HOTAIR: variants seen among roughly 807,000 people sequenced by gnomAD.
The protein encoded by HOTAIR is HOX transcript antisense RNA, also known as HOX transcript antisense RNA (non-protein coding).
intron 1 of HOTAIR, among the ~76,000 whole-genome samples, chr12:53,974,287 G>A (rs1205877600): frequency 6.6e-6 from 1 of 150,976 alleles, no homozygotes; most frequent in African/African-American, 2.4e-5. Context: ...GAAGTATGGG[G>A]AGCCGGGCTG....
chr12:53,965,895 C>T (rs1355510915), intron 5 of HOTAIR: 1 of 152,106 alleles, frequency 6.6e-6, no homozygotes, highest in African/African-American at 2.4e-5. Context: ...TCTCCCTCGC[C>T]CGGGCGCCTG....
intron 1 of HOTAIR, among the ~76,000 whole-genome samples, chr12:53,970,720 G>T (rs181812146): frequency 6.6e-6 from 1 of 152,188 alleles, no homozygotes; most frequent in African/African-American, 2.4e-5. Flanking sequence ...GCAGCTCCTT[G>T]TTGCCGCCTG....
intron 1 of HOTAIR, among the ~76,000 whole-genome samples, chr12:53,971,775 A>G (rs920341846): frequency 6.6e-6 from 1 of 152,230 alleles, no homozygotes; most frequent in African/African-American, 2.4e-5. Flanking sequence ...CTTTCAATAA[A>G]GTGATTTTCA....
intron 1 of HOTAIR, among the ~76,000 whole-genome samples, chr12:53,970,482 C>G (rs1939131754): frequency 6.6e-6 from 1 of 152,206 alleles, no homozygotes; most frequent in African/African-American, 2.4e-5. Flanking sequence ...CCAGGGCCTT[C>G]TTTCCTTGAC....
intron 2 of HOTAIR, among the ~76,000 whole-genome samples, chr12:53,967,810 C>T (rs1028898738): frequency 3.9e-5 from 6 of 152,268 alleles, no homozygotes; most frequent in African/African-American, 1.4e-4. Context: ...TGCTTCATGT[C>T]TGTGACATAA....
chr12:53,967,787 C>T (rs1272428589), intron 2 of HOTAIR, among the ~76,000 whole-genome samples: 2 of 152,156 alleles, frequency 1.3e-5, no homozygotes, highest in African/African-American at 2.4e-5. Flanking sequence ...CCAGACCTCA[C>T]CCTACAAAAA....
intron 1 of HOTAIR, among the ~76,000 whole-genome samples, chr12:53,972,673 G>T (rs1263727463): frequency 2.0e-5 from 3 of 152,180 alleles, no homozygotes; most frequent in African/African-American, 7.2e-5. Context: ...GGTTGGAAGG[G>T]TAAGAGTCCC....
At chr12:53,970,260 A>AT (rs1939126611) in intron 1 of HOTAIR, among the ~76,000 whole-genome samples, 1 of 152,194 alleles carries the variant, frequency 6.6e-6, no homozygotes, top group Non-Finnish European at 1.5e-5. Flanking sequence ...AGCCACCTGG[A>AT]GCGGGCTTGA....
chr12:53,974,891 C>A (rs115512483), intron 1 of HOTAIR: 2 of 351,492 alleles, frequency 5.7e-6, no homozygotes, highest in Non-Finnish European at 1.0e-5. Flanking sequence ...AGGGGACGCA[C>A]GTGTACCTGG....
At chr12:53,974,009 CG>C in intron 1 of HOTAIR, 1 of 1,168,802 alleles carries the variant, frequency 8.6e-7, no homozygotes. Flanking sequence ...GCAAGGGGAG[CG>C]GGGACGGCCT....
intron 3 of HOTAIR, among the ~76,000 whole-genome samples, chr12:53,966,987 G>GT (rs1035236597): frequency 3.3e-5 from 5 of 152,242 alleles, no homozygotes; most frequent in Non-Finnish European, 5.9e-5. Context: ...GAGAAAGAAG[G>GT]AGAGGAAAAT....
chr12:53,974,340 G>A (rs1939209385), intron 1 of HOTAIR, among the ~76,000 whole-genome samples: 1 of 151,656 alleles, frequency 6.6e-6, no homozygotes, highest in Non-Finnish European at 1.5e-5. Flanking sequence ...GGGAGAAAGG[G>A]GAGGGCGAGG....
At position 53,973,085 on chromosome 12, in the gene HOTAIR, G is replaced by A; in HGVS notation, n.59+1813C>T. 1 of 572,792 alleles carries A rather than the reference G, an allele frequency of 1.7e-6. No homozygotes were observed. Among genetic ancestry groups the A allele is most frequent in the Non-Finnish European group, 3.0e-6 (1 of 335,960 alleles). The allele number at this position is 572,792 out of a possible 1,614,324, so 35.5% of individuals were successfully genotyped here. A position where few individuals can be genotyped will look rare whatever the true frequency, so the allele number is the denominator to read the frequency against. On this transcript the variant is annotated intron_variant and non_coding_transcript_variant, in intron 1 of 6. Coordinates refer to ENST00000424518, the Ensembl canonical transcript of HOTAIR. This position sits in a 1 kb window ranked among gnomAD's most constrained non-coding sequence, Gnocchi z 4.3. Reference sequence around the variant, plus strand: ...AGAGAACCCCTCCTACGTCTGCGAAGTGCTCCGAACTGATATATGACAATA... The same window carrying A: ...AGAGAACCCCTCCTACGTCTGCGAAATGCTCCGAACTGATATATGACAATA...
At chr12:53,970,630 G>T (rs1457114914) in intron 1 of HOTAIR, among the ~76,000 whole-genome samples, 1 of 152,218 alleles carries the variant, frequency 6.6e-6, no homozygotes, top group Non-Finnish European at 1.5e-5. Context: ...TCTGTTGGGA[G>T]ACCCCAGCGT....
exon 7 of HOTAIR, chr12:53,963,903 A>G (rs1196424288): frequency 1.3e-5 from 2 of 152,216 alleles, no homozygotes; most frequent in Non-Finnish European, 1.5e-5. Flanking sequence ...GGAACACCAA[A>G]TCAGATTTTA....
intron 1 of HOTAIR, among the ~76,000 whole-genome samples, chr12:53,969,420 C>T (rs1939112936): frequency 1.3e-5 from 2 of 152,162 alleles, no homozygotes; most frequent in Non-Finnish European, 2.9e-5. Flanking sequence ...CCAGGAACCT[C>T]TGAGCAGCGT....
chr12:53,963,025 C>G (rs1476619679), exon 7 of HOTAIR: 1 of 152,208 alleles, frequency 6.6e-6, no homozygotes, highest in Non-Finnish European at 1.5e-5. Context: ...CTTGGAGAGG[C>G]GTGTAACAGG....
intron 1 of HOTAIR, among the ~76,000 whole-genome samples, chr12:53,971,125 C>T (rs1048395805): frequency 6.6e-6 from 1 of 152,140 alleles, no homozygotes; most frequent in Non-Finnish European, 1.5e-5. Flanking sequence ...AAAATGCTGG[C>T]CCCATCTCAC....
At chr12:53,974,703 C>G (rs991209955) in intron 1 of HOTAIR, among the ~76,000 whole-genome samples, 1 of 151,786 alleles carries the variant, frequency 6.6e-6, no homozygotes, top group Non-Finnish European at 1.5e-5. Context: ...TCTGGTGTCT[C>G]GGTGCCTGCT....
Sources: gnomAD v4.1 joint callset for allele counts (sites outside exome capture counted in the v4.1 genomes callset) on GRCh38, gnomAD v4.1.1 for gene constraint, Gnocchi (gnomAD v3.1) non-coding constraint, MANE v1.5 for transcripts, NCBI Gene and HGNC (gene_info 2026-07-23, HGNC 2026-07-21) for gene names.